KMT2E: variants seen among roughly 807,000 people sequenced by gnomAD.
The protein encoded by KMT2E is lysine methyltransferase 2E (inactive).
In KMT2E, 30 loss-of-function variants were observed where a neutral mutation model predicts 184.6. That is an observed-to-expected ratio of 0.16 (90% CI 0.12 to 0.22). The LOEUF (loss-of-function observed/expected upper bound fraction) is 0.22. KMT2E is among the 10% of genes least tolerant of loss of function. The pLI is 1.00. For synonymous variants in KMT2E, 815 were observed against 776.5 expected, an observed-to-expected ratio of 1.05 and a Z score of -0.82; for missense variants, 2,023 against 2,237.4, an observed-to-expected ratio of 0.90 and a Z score of 1.93.
At chr7:105,083,600 C>T (rs113172633) in intron 13 of KMT2E, among the ~76,000 whole-genome samples, 3,103 of 152,278 alleles carry the variant, frequency 0.02, 51 homozygotes, top group Non-Finnish European at 0.029. Flanking sequence ...TAGATAAGGG[C>T]AGTCCTGATC....
intron 1 of KMT2E, among the ~76,000 whole-genome samples, chr7:105,035,971 C>G (rs1403402580): frequency 6.6e-6 from 1 of 152,108 alleles, no homozygotes; most frequent in Non-Finnish European, 1.5e-5. Context: ...GAGGGAGGAG[C>G]AAGGTCGGTT....
rs117195700 is a variant in KMT2E at position 105,078,412 on chromosome 7, A to G, written c.1131-434A>G. Among the ~76,000 whole-genome samples, 589 of 152,282 alleles carry G rather than the reference A, an allele frequency of 3.9e-3. 16 individuals are homozygous for G. In the East Asian group the frequency reaches 0.067, roughly 17 times the overall value. On this transcript the variant is annotated intron_variant, in intron 11 of 26. Transcript: ENST00000311117. ...CCTATATTCAAATCTTGGCTTCACT[A>G]TGTCTTTTAGAAGTTTCTTAGACTC...
At chr7:105,077,529 C>G (rs1797581822) in intron 11 of KMT2E, 96 bp downstream of exon 11, 2 of 903,152 alleles carry the variant, frequency 2.2e-6, no homozygotes, top group African/African-American at 1.7e-5. Flanking sequence ...TACTTTTTTT[C>G]CTACATGATC....
intron 12 of KMT2E, among the ~76,000 whole-genome samples, chr7:105,080,365 G>A (rs988463143): frequency 1.2e-4 from 18 of 150,036 alleles, no homozygotes; most frequent in Non-Finnish European, 1.9e-4. Flanking sequence ...ATTATATAAT[G>A]TTGCAGCCAA....
intron 3 of KMT2E, among the ~76,000 whole-genome samples, chr7:105,042,434 G>C (rs1795923353): frequency 6.6e-6 from 1 of 152,136 alleles, no homozygotes; most frequent in Admixed American, 6.5e-5. Context: ...GTGTTAAGCA[G>C]CTCCCCTACT....
intron 13 of KMT2E, among the ~76,000 whole-genome samples, chr7:105,084,469 TAAAAA>T (rs1337831612): frequency 6.6e-6 from 1 of 151,414 alleles, no homozygotes; most frequent in African/African-American, 2.4e-5. Context: ...CTACTAAAAA[TAAAAA>T]AAATTATCCG....
At chr7:105,036,133 C>T (rs1795642603) in intron 1 of KMT2E, among the ~76,000 whole-genome samples, 1 of 150,268 alleles carries the variant, frequency 6.7e-6, no homozygotes, top group Admixed American at 6.6e-5. Flanking sequence ...TTTTACCTAT[C>T]ATCTGGCAGG....
In KMT2E at chr7:105,112,637, C is replaced by CCCT. The variant is rs1016692148; in HGVS notation, c.4890_4892dup (p.Pro1634dup). 1 of 1,613,842 alleles carries CCCT rather than the reference C, an allele frequency of 6.2e-7. No homozygotes were observed. Among genetic ancestry groups the CCCT allele is most frequent in the South Asian group, 1.1e-5 (1 of 91,062 alleles). On this transcript the variant is annotated inframe_insertion, in exon 27 of 27. Coordinates refer to ENST00000311117, the MANE Select transcript of KMT2E (RefSeq NM_182931.3). ...ATCAAACTGCTGCTGCCGTAGTCCC[C>CCCT]CCTCCTCCTCCACCACCACCTGCTC... is the stretch of plus-strand genomic sequence containing the variant.
At chr7:105,021,281 G>C (rs2129563988) in intron 1 of KMT2E, among the ~76,000 whole-genome samples, 1 of 152,270 alleles carries the variant, frequency 6.6e-6, no homozygotes, top group South Asian at 2.1e-4. Flanking sequence ...CTTGACACAG[G>C]CTTATTACAT....
intron 5 of KMT2E, chr7:105,063,880 T>C (rs530179495): frequency 6.5e-6 from 3 of 464,956 alleles, no homozygotes; most frequent in Admixed American, 2.8e-5. Context: ...GTAGACAAGA[T>C]AGAAATGAGA....
chr7:105,081,812 A>G lies in KMT2E; in HGVS notation c.1358+15A>G, dbSNP rs781081992. 2 of 1,044,332 alleles carry G rather than the reference A, an allele frequency of 1.9e-6. No individual in the cohort carries two copies. Among genetic ancestry groups the G allele is most frequent in the Admixed American group, 2.3e-5 (1 of 43,832 alleles). 64.7% of individuals were successfully genotyped at this position (1,044,332 alleles called of 1,614,324 possible). A position where few individuals can be genotyped will look rare whatever the true frequency, so the allele number is the denominator to read the frequency against. Reference sequence around the variant, plus strand: ...TATGGAAATTGGTGAGTTCAAGTCTATAAATGTAATCTGTTGTTTGAAAAT... The same window carrying G: ...TATGGAAATTGGTGAGTTCAAGTCTGTAAATGTAATCTGTTGTTTGAAAAT... On this transcript the variant is annotated intron_variant, in intron 13 of 26. Coordinates refer to ENST00000311117, the MANE Select transcript of KMT2E (RefSeq NM_182931.3).
At chr7:105,064,658 A>C (rs1421785671) in intron 5 of KMT2E, among the ~76,000 whole-genome samples, 2 of 152,198 alleles carry the variant, frequency 1.3e-5, no homozygotes, top group Non-Finnish European at 2.9e-5. Flanking sequence ...TATCTTAATA[A>C]TAAAAACATA....
chr7:105,059,277 T>C (rs1038820164), intron 3 of KMT2E, among the ~76,000 whole-genome samples: 1 of 152,180 alleles, frequency 6.6e-6, no homozygotes, highest in Non-Finnish European at 1.5e-5. Context: ...TTTGCAGAGT[T>C]TGATCTAAAT....
At chr7:105,050,661 TCTTTTTTCTTTCTTTC>T (rs1796296446) in intron 3 of KMT2E, among the ~76,000 whole-genome samples, 2 of 151,648 alleles carry the variant, frequency 1.3e-5, no homozygotes, top group South Asian at 2.1e-4. Flanking sequence ...TTTCTTTCTT[TCTTTTTTCTTTCTTTC>T]TTTCTTTCTT....
At chr7:105,078,657 CTTTTTTTT>C (rs71152940) in intron 11 of KMT2E, among the ~76,000 whole-genome samples, 181 bp from the exon 12 acceptor site, 12 of 46,674 alleles carry the variant, frequency 2.6e-4, no homozygotes, top group African/African-American at 1.0e-3. Context: ...CATGCCTGGC[CTTTTTTTT>C]TTTTTTTTTT....
chr7:105,041,094 A>G, intron 3 of KMT2E, 71 bp downstream of exon 3: 1 of 897,434 alleles, frequency 1.1e-6, no homozygotes, highest in Non-Finnish European at 1.7e-6. Flanking sequence ...AGTAGGAAGA[A>G]GTATAAGTGG....
In KMT2E at chr7:105,112,840, A is replaced by ATC; in HGVS notation, c.5085_5086dup (p.Pro1696LeufsTer17). 1 of 1,149,678 alleles carries ATC rather than the reference A, an allele frequency of 8.7e-7. No homozygotes were observed. 71.2% of individuals were successfully genotyped at this position (1,149,678 alleles called of 1,614,324 possible). A position where few individuals can be genotyped will look rare whatever the true frequency, so the allele number is the denominator to read the frequency against. Reference sequence around the variant, plus strand: ...GCCCCTCATCACCATCCACCACCCCATCCATCCACAGGACTCCAAGGTCTA... The same window carrying ATC: ...GCCCCTCATCACCATCCACCACCCCATCTCCATCCACAGGACTCCAAGGTCTA... On this transcript the variant is annotated frameshift_variant, in exon 27 of 27. Coordinates refer to ENST00000311117, the MANE Select transcript of KMT2E (RefSeq NM_182931.3). LOFTEE classifies it high-confidence loss of function.
intron 6 of KMT2E, 91 bp from the exon 7 acceptor site, chr7:105,073,528 G>T (rs1257017064): frequency 5.1e-6 from 4 of 781,692 alleles, no homozygotes; most frequent in Non-Finnish European, 8.4e-6. Context: ...GTTTTTCACT[G>T]AGAACATTAA....
At chr7:105,051,714 G>A (rs1430849335) in intron 3 of KMT2E, among the ~76,000 whole-genome samples, 1 of 152,016 alleles carries the variant, frequency 6.6e-6, no homozygotes, top group African/African-American at 2.4e-5. Flanking sequence ...TGCCTCCTGG[G>A]TTCAAGCAGT....
Sources: allele counts gnomAD v4.1 joint callset (sites outside exome capture counted in the v4.1 genomes callset), GRCh38; gene constraint gnomAD v4.1.1; transcripts MANE v1.5; gene names NCBI Gene and HGNC (gene_info 2026-07-23, HGNC 2026-07-21).